ANKRD36: variants seen among roughly 807,000 people sequenced by gnomAD.
The protein encoded by ANKRD36 is ankyrin repeat domain-containing protein 36A.
Under a neutral mutation model 278.1 loss-of-function variants are expected in ANKRD36, and 179 were observed. The ratio of observed to expected loss-of-function variants is 0.64; its 90% CI spans 0.57 to 0.73. The LOEUF is 0.73. ANKRD36 is among the 30% of genes least tolerant of loss of function. The pLI, the probability that ANKRD36 is intolerant of heterozygous loss-of-function variation, is 0.00. For synonymous variants in ANKRD36, 320 were observed against 641.1 expected, an observed-to-expected ratio of 0.50 and a Z score of 7.57; for missense variants, 1,159 against 1,956.7, an observed-to-expected ratio of 0.59 and a Z score of 7.69.
intron 6 of ANKRD36, among the ~76,000 whole-genome samples, chr2:97,133,874 C>T (rs1035039325): frequency 9.9e-5 from 15 of 151,776 alleles, no homozygotes; most frequent in African/African-American, 3.6e-4. Flanking sequence ...TCAATATCTC[C>T]CACCTGAGTG....
At chr2:97,181,831 A>C (rs945510455) in intron 26 of ANKRD36, 38 bp downstream of exon 26, 3 of 1,477,560 alleles carry the variant, frequency 2.0e-6, no homozygotes, top group Non-Finnish European at 2.8e-6. Context: ...ATGTTCAGTC[A>C]AGATAGAAAA....
At chr2:97,181,344 G>A (rs1458324203) in intron 24 of ANKRD36, among the ~76,000 whole-genome samples, 4 of 151,290 alleles carry the variant, frequency 2.6e-5, no homozygotes, top group East Asian at 1.9e-4. Flanking sequence ...ATATTGACAC[G>A]GTTTTATTTT....
chr2:97,140,678 A>G (rs1239882072), intron 6 of ANKRD36, among the ~76,000 whole-genome samples: 4 of 152,032 alleles, frequency 2.6e-5, no homozygotes, highest in African/African-American at 9.7e-5. Context: ...AGTGTCTGAT[A>G]CATTTAACAT....
rs146045280 is a variant in ANKRD36 at position 97,196,677 on chromosome 2, A to T, written c.2581-39A>T. The T allele has an allele frequency of 3.7e-3, 5,939 of 1,590,568 alleles. 217 individuals are homozygous for T. The African/African-American group carries it at 0.073, about 20-fold the overall frequency. ...AGTTAATGTATGGTCTATGAAACAT[A>T]CTTTATTTATTTATTATTTCGTTTC... On this transcript the variant is annotated intron_variant, in intron 41 of 75. Transcript: ENST00000420699.
chr2:97,192,789 C>T (rs1281800532), intron 36 of ANKRD36, 69 bp from the exon 37 acceptor site: 1 of 1,534,204 alleles, frequency 6.5e-7, no homozygotes, highest in Non-Finnish European at 8.9e-7. Flanking sequence ...GATACAAACA[C>T]TTCATGAATG....
chr2:97,204,841 T>A (rs1009121580), intron 50 of ANKRD36, among the ~76,000 whole-genome samples: 9 of 151,554 alleles, frequency 5.9e-5, no homozygotes, highest in Non-Finnish European at 1.5e-5. Flanking sequence ...AAATATTTGA[T>A]TTTCGCTGCT....
chr2:97,129,585 T>C (rs2039532133), intron 6 of ANKRD36, among the ~76,000 whole-genome samples: 1 of 152,102 alleles, frequency 6.6e-6, no homozygotes, highest in Admixed American at 6.6e-5. Context: ...GGTTTTCTTG[T>C]AGGGTTTTTA....
chr2:97,177,981 G>A (rs2054840805), intron 22 of ANKRD36, among the ~76,000 whole-genome samples: 1 of 147,152 alleles, frequency 6.8e-6, no homozygotes, highest in Non-Finnish European at 1.5e-5. Context: ...AAATTTACAA[G>A]AAAAAAACAA....
intron 48 of ANKRD36, among the ~76,000 whole-genome samples, chr2:97,203,318 T>A (rs1423531967): frequency 6.6e-6 from 1 of 151,858 alleles, no homozygotes; most frequent in Non-Finnish European, 1.5e-5. Context: ...CTGATCAATA[T>A]CTAATGCTTG....
chr2:97,128,103 C>T (rs1004235075), intron 6 of ANKRD36, among the ~76,000 whole-genome samples: 9 of 151,590 alleles, frequency 5.9e-5, no homozygotes, highest in East Asian at 1.9e-4. Context: ...AGGAGTAGGA[C>T]GTGTTCACTG....
At chr2:97,198,244 T>C (rs1350166800) in intron 42 of ANKRD36, among the ~76,000 whole-genome samples, 2 of 151,938 alleles carry the variant, frequency 1.3e-5, no homozygotes, top group South Asian at 2.1e-4. Context: ...TGACAAATCA[T>C]ACCATGTTTG....
Position 97,171,590 on chromosome 2 carries a change from T to C in ANKRD36, c.1633+3823T>C, listed in dbSNP as rs1433717387. Among the ~76,000 whole-genome samples the C allele has an allele frequency of 1.2e-4, 16 of 132,344 alleles. No individual in the cohort carries two copies. The East Asian group carries it at 2.6e-3, about 22-fold the overall frequency. 86.8% of individuals were successfully genotyped at this position (132,344 alleles called of 152,430 possible). Reference sequence around the variant, plus strand: ...GGGGGAGGGATAGCATTGGGAGATATACCTAATGCTAGATGACGAGTTAGT... The same window carrying C: ...GGGGGAGGGATAGCATTGGGAGATACACCTAATGCTAGATGACGAGTTAGT... On this transcript the variant is annotated intron_variant, in intron 22 of 75. Coordinates refer to ENST00000420699, the MANE Select transcript of ANKRD36 (RefSeq NM_001354587.1).
intron 8 of ANKRD36, among the ~76,000 whole-genome samples, chr2:97,144,269 A>AT (rs1179013431): frequency 6.7e-6 from 1 of 149,704 alleles, no homozygotes; most frequent in Non-Finnish European, 1.5e-5. Flanking sequence ...ACACTGTTTT[A>AT]TTGTAGTAAT....
At chr2:97,229,546 G>T (rs1248071907) in intron 67 of ANKRD36, among the ~76,000 whole-genome samples, 1 of 152,080 alleles carries the variant, frequency 6.6e-6, no homozygotes, top group East Asian at 2.0e-4. Flanking sequence ...CACGTGAGAT[G>T]GGTTTCCTGA....
chr2:97,123,517 G>A lies in ANKRD36; in HGVS notation c.593+524G>A, dbSNP rs1320347390. ...CCTAGCTTTCCCACTTGCTAGATGTGTGACCTTGGTAACATTACTTATTGC... is the reference window on the plus strand; with the variant it reads ...CCTAGCTTTCCCACTTGCTAGATGTATGACCTTGGTAACATTACTTATTGC... On this transcript the variant is annotated intron_variant, in intron 4 of 75. Coordinates refer to ENST00000420699, the MANE Select transcript of ANKRD36 (RefSeq NM_001354587.1). 2.4e-5 allele frequency among the ~76,000 whole-genome samples: 2 copies of A among 82,624 alleles called. 1 individual carries two copies. The highest frequency in any genetic ancestry group is 8.2e-5 in the Non-Finnish European group (2 of 24,384). 54.2% of individuals were successfully genotyped at this position (82,624 alleles called of 152,430 possible).
chr2:97,209,720 T>C lies in ANKRD36; in HGVS notation c.3294+11T>C. 1 of 1,583,924 alleles carries C rather than the reference T, an allele frequency of 6.3e-7. No homozygotes were observed. Among genetic ancestry groups the C allele is most frequent in the African/African-American group, 1.5e-5 (1 of 68,440 alleles). On this transcript the variant is annotated intron_variant, in intron 55 of 75. Transcript: ENST00000420699. ...AAACCAGCCTTGAAGGTAATGAAAC[T>C]CTCATTCATATTGTGAGCTAGTAAA...
At chr2:97,222,128 A>G (rs1421684918) in intron 66 of ANKRD36, among the ~76,000 whole-genome samples, 2 of 151,960 alleles carry the variant, frequency 1.3e-5, no homozygotes, top group Admixed American at 6.6e-5. Flanking sequence ...GTTCTGTTCC[A>G]TTGATCTATA....
At chr2:97,202,150 A>T in intron 46 of ANKRD36, 52 bp from the exon 47 acceptor site, 5 of 1,604,976 alleles carry the variant, frequency 3.1e-6, no homozygotes, top group Non-Finnish European at 4.2e-6. Context: ...AATGTATGGA[A>T]ATCTTTGTCA....
At chr2:97,149,987 G>T (rs2045480757) in intron 12 of ANKRD36, among the ~76,000 whole-genome samples, 1 of 151,694 alleles carries the variant, frequency 6.6e-6, no homozygotes, top group Non-Finnish European at 1.5e-5. Flanking sequence ...CAAGTCAGGA[G>T]AATTTCTTGA....
Sources: allele counts gnomAD v4.1 joint callset (sites outside exome capture counted in the v4.1 genomes callset), GRCh38; gene constraint gnomAD v4.1.1; transcripts MANE v1.5; gene names NCBI Gene and HGNC (gene_info 2026-07-23, HGNC 2026-07-21).